AKAP11: variants seen among roughly 807,000 people sequenced by gnomAD.
AKAP11 encodes the protein A-kinase anchor protein 11.
Under a neutral mutation model 146.1 loss-of-function variants are expected in AKAP11, and 36 were observed. The ratio of observed to expected loss-of-function variants is 0.25; its 90% CI spans 0.19 to 0.33. The LOEUF is 0.33. Among genes scored for constraint, AKAP11 ranks in the 10% least tolerant of loss-of-function variants. The probability of loss-of-function intolerance (pLI) is 1.00; values close to 1 mark genes in which losing one functional copy is unlikely to be tolerated. For missense variants in AKAP11, 2,201 were observed against 2,197.0 expected (o/e 1.00, Z -0.04); for synonymous variants, 780 against 786.5 (o/e 0.99, Z 0.14).
intron 1 of AKAP11, among the ~76,000 whole-genome samples, chr13:42,281,852 T>G (rs894039163): frequency 6.6e-6 from 1 of 152,210 alleles, no homozygotes; most frequent in Non-Finnish European, 1.5e-5. Flanking sequence ...TTTATAAAAT[T>G]TAAAAGTCCC....
intron 9 of AKAP11, among the ~76,000 whole-genome samples, chr13:42,311,102 G>T (rs1332168994): frequency 6.6e-6 from 1 of 152,186 alleles, no homozygotes. Context: ...GATGGGGCCA[G>T]ATTTGCAGAA....
At chr13:42,306,718 A>G (rs1446018049) in intron 8 of AKAP11, among the ~76,000 whole-genome samples, 3 of 152,256 alleles carry the variant, frequency 2.0e-5, no homozygotes, top group Non-Finnish European at 4.4e-5. Context: ...TTAAGGTATT[A>G]TTTCACCTGA....
rs1189060640 is a variant in AKAP11 at position 42,319,985 on chromosome 13, CTTTTA to C, written c.*763_*767del. 1 of 144,894 alleles carries C rather than the reference CTTTTA, an allele frequency of 6.9e-6. No individual in the cohort carries two copies. The highest frequency in any genetic ancestry group is 2.2e-4 in the South Asian group (1 of 4,480). 9.0% of individuals were successfully genotyped at this position (144,894 alleles called of 1,614,324 possible). On this transcript the variant is annotated 3_prime_UTR_variant, in exon 13 of 13. Coordinates refer to ENST00000025301, the MANE Select transcript of AKAP11 (RefSeq NM_016248.4). ...CTTTAACCTTGCCAGTTTGTTCCCTCTTTTATTTTACTGTTTTCTTTTTAGAAACC... is the reference window on the plus strand; with the variant it reads ...CTTTAACCTTGCCAGTTTGTTCCCTCTTTTACTGTTTTCTTTTTAGAAACC...
chr13:42,276,334 C>G (rs962444062), intron 1 of AKAP11, among the ~76,000 whole-genome samples: 7 of 152,164 alleles, frequency 4.6e-5, no homozygotes, highest in Non-Finnish European at 8.8e-5. Flanking sequence ...CAACCTCCTC[C>G]TCCCAGGGCT....
chr13:42,275,053 A>T (rs1480948794), intron 1 of AKAP11, among the ~76,000 whole-genome samples: 1 of 151,090 alleles, frequency 6.6e-6, no homozygotes, highest in Admixed American at 6.6e-5. Context: ...TAGCCTACTT[A>T]AAAAAAAAGC....
At chr13:42,276,626 G>A (rs1958926534) in intron 1 of AKAP11, among the ~76,000 whole-genome samples, 2 of 152,094 alleles carry the variant, frequency 1.3e-5, no homozygotes. Flanking sequence ...TTTACCTTCT[G>A]ATTTGCAAAG....
Position 42,298,691 on chromosome 13 carries a change from T to G in AKAP11, c.510T>G (p.Asp170Glu). Residue 170 changes from aspartate to glutamate, a missense_variant, in exon 7 of 13, where the codon GAT (aspartate) becomes GAG (glutamate). By Grantham distance (45) the Asp-to-Glu change is conservative (BLOSUM62 2). Coordinates refer to ENST00000025301, the MANE Select transcript of AKAP11 (RefSeq NM_016248.4). The stretch of plus-strand genomic sequence containing the variant: ...AGAAGCACCAACTTGAGACCACTGA[T>G]GAAGATGATGATGATACTAACCAGT... Reference protein sequence around the residue: ...LHQKHQLETTDEDDDDTNQSV... With the variant: ...LHQKHQLETTEEDDDDTNQSV... The G allele has an allele frequency of 6.2e-7, 1 of 1,611,560 alleles. No homozygotes were observed. The highest frequency in any genetic ancestry group is 8.5e-7 in the Non-Finnish European group (1 of 1,179,138).
chr13:42,299,708 A>G lies in AKAP11; in HGVS notation c.962A>G (p.Asp321Gly). The change falls in exon 8 of 13, where the codon GAT becomes GGT. Residue 321 changes from aspartate (D) to glycine (G), a missense_variant. Transcript: ENST00000025301. The part of the protein sequence containing the change: ...CSSPSPVIFL[D>G]EEGYQKSLKA... ...AGTCCAAGTCCTGTTATTTTCTTGGATGAAGAGGGATATCAAAAAAGCTTA... is the reference window on the plus strand; with the variant it reads ...AGTCCAAGTCCTGTTATTTTCTTGGGTGAAGAGGGATATCAAAAAAGCTTA... The G allele has an allele frequency of 6.2e-7, 1 of 1,613,928 alleles. No homozygotes were observed. Among genetic ancestry groups the G allele is most frequent in the Non-Finnish European group, 8.5e-7 (1 of 1,179,888 alleles).
rs775322592 is a variant in AKAP11, at chr13:42,298,613, C to T, written c.432C>T (p.Leu144=). 5.6e-6 allele frequency: 9 copies of T among 1,612,326 alleles called. No homozygotes were observed. In the African/African-American group the frequency reaches 1.2e-4, roughly 22 times the overall value. The part of the protein sequence containing the change: ...PRLRIDFIFS[L]LSKYATGIRY... Reference sequence around the variant, plus strand: ...TTAGGATTGATTTTATCTTTAGTCTCCTAAGTAAATATGCTACTGGTATAA... The same window carrying T: ...TTAGGATTGATTTTATCTTTAGTCTTCTAAGTAAATATGCTACTGGTATAA... Residue 144 remains leucine (L), a synonymous_variant, in exon 7 of 13, where the codon CTC becomes CTT. Coordinates refer to ENST00000025301, the MANE Select transcript of AKAP11 (RefSeq NM_016248.4).
intron 11 of AKAP11, among the ~76,000 whole-genome samples, chr13:42,314,961 C>T (rs747911903): frequency 1.3e-5 from 2 of 151,914 alleles, no homozygotes; most frequent in Non-Finnish European, 2.9e-5. Flanking sequence ...TATATTCAGG[C>T]GGTTGTTGAA....
chr13:42,302,607 G>C lies in AKAP11; in HGVS notation c.3861G>C (p.Lys1287Asn), dbSNP rs141344895. Residue 1287 changes from lysine (K) to asparagine (N), a missense_variant, in exon 8 of 13, where the codon AAG becomes AAC. By Grantham distance (94) the Lys-to-Asn change is moderately conservative (BLOSUM62 0). Coordinates refer to ENST00000025301, the MANE Select transcript of AKAP11 (RefSeq NM_016248.4). ...ATTGTATGCTTTTCAAGCAAAAGAA[G>C]AACAGTTGTTATGCTGATGGTGACG... ...VRNCMLFKQK[K>N]NSCYADGDED... 4 of 1,613,974 alleles carry C rather than the reference G, an allele frequency of 2.5e-6. No individual in the cohort carries two copies. The highest frequency in any genetic ancestry group is 1.6e-4 in the Middle Eastern group (1 of 6,084).
At chr13:42,290,291 C>T (rs925634942) in intron 3 of AKAP11, among the ~76,000 whole-genome samples, 1 of 152,118 alleles carries the variant, frequency 6.6e-6, no homozygotes, top group Non-Finnish European at 1.5e-5. Context: ...CAACACAACA[C>T]CTGAAAGGTG....
intron 8 of AKAP11, among the ~76,000 whole-genome samples, chr13:42,304,382 C>CT (rs1431574737): frequency 6.6e-6 from 1 of 152,188 alleles, no homozygotes; most frequent in Non-Finnish European, 1.5e-5. Context: ...CTGTTAGTCA[C>CT]TTAGAAGGTA....
rs781280077 is a variant in AKAP11, at chr13:42,317,659, C to A, written c.5536C>A (p.His1846Asn). ...SEAEVAELYF[H>N]DSANKEFMLL... ...GGCTGAAGTTGCAGAACTTTATTTT[C>A]ATGACTCTGCAAATAAGGAGTTTAT... is the stretch of plus-strand genomic sequence containing the variant. The change falls in exon 12 of 13, where the codon CAT becomes AAT. Residue 1846 changes from histidine (H) to asparagine (N), a missense_variant. Physicochemically the swap from His to Asn is moderately conservative, Grantham distance 68. Transcript: ENST00000025301. 4.3e-6 allele frequency: 7 copies of A among 1,614,022 alleles called. No homozygotes were observed. The South Asian group carries it at 7.7e-5, about 18-fold the overall frequency.
chr13:42,315,868 A>T (rs1472932686), intron 11 of AKAP11, among the ~76,000 whole-genome samples: 2 of 152,224 alleles, frequency 1.3e-5, no homozygotes, highest in Non-Finnish European at 2.9e-5. Context: ...TTTTAAAAAA[A>T]TAATTTTGTA....
chr13:42,305,387 A>G (rs1960199627), intron 8 of AKAP11, among the ~76,000 whole-genome samples: 1 of 152,176 alleles, frequency 6.6e-6, no homozygotes, highest in South Asian at 2.1e-4. Context: ...CTGGTGAACT[A>G]GGAGAGGTCT....
At chr13:42,281,249 A>T (rs1959051268) in intron 1 of AKAP11, among the ~76,000 whole-genome samples, 2 of 152,246 alleles carry the variant, frequency 1.3e-5, no homozygotes, top group Admixed American at 1.3e-4. Context: ...GGAAACTTAC[A>T]TACAGAGAGA....
chr13:42,281,420 A>G (rs1208482420), intron 1 of AKAP11, among the ~76,000 whole-genome samples: 2 of 152,196 alleles, frequency 1.3e-5, no homozygotes, highest in African/African-American at 4.8e-5. Flanking sequence ...CTAGTGCAGT[A>G]GGAAGAGAGT....
At chr13:42,314,822 A>G (rs1960743381) in intron 11 of AKAP11, among the ~76,000 whole-genome samples, 1 of 152,124 alleles carries the variant, frequency 6.6e-6, no homozygotes, top group Admixed American at 6.5e-5. Flanking sequence ...AGTTCCAAGT[A>G]TGTCAATACT....
Sources: allele counts gnomAD v4.1 joint callset (sites outside exome capture counted in the v4.1 genomes callset), GRCh38; gene constraint gnomAD v4.1.1; transcripts MANE v1.5; gene names NCBI Gene and HGNC (gene_info 2026-07-23, HGNC 2026-07-21).